Variants in STIMATE observed in about 807,000 individuals in gnomAD.
The protein encoded by STIMATE is store-operated calcium entry regulator STIMATE.
Under a neutral mutation model 36.7 loss-of-function variants are expected in STIMATE, and 15 were observed. That is an observed-to-expected ratio of 0.41 (90% CI 0.27 to 0.63). STIMATE has a LOEUF of 0.63. Ranked by LOEUF, STIMATE falls within the 20% of genes least tolerant of loss-of-function variation. The probability of loss-of-function intolerance (pLI) is 0.32; values close to 1 mark genes in which losing one functional copy is unlikely to be tolerated. For missense variants in STIMATE, 305 were observed against 397.3 expected (o/e 0.77, Z 1.98); for synonymous variants, 163 against 162.3 (o/e 1.00, Z -0.03).
chr3:52,869,706 A>C lies in STIMATE; in HGVS notation c.161-14262T>G, dbSNP rs982885489. Among the ~76,000 whole-genome samples the C allele has an allele frequency of 3.3e-5, 5 of 152,248 alleles. No homozygotes were observed. The East Asian group carries it at 9.6e-4, about 29-fold the overall frequency. On this transcript the variant is annotated intron_variant, in intron 1 of 7. Transcript: ENST00000355083. Reference sequence around the variant, plus strand: ...CCTTGGCACCCAGGCCAGTACCTGGAATGAAGTAGGCACTTAACTACTAAA... The same window carrying C: ...CCTTGGCACCCAGGCCAGTACCTGGCATGAAGTAGGCACTTAACTACTAAA...
At chr3:52,852,020 C>G (rs1258983386) in intron 3 of STIMATE, among the ~76,000 whole-genome samples, 1 of 152,190 alleles carries the variant, frequency 6.6e-6, no homozygotes, top group Admixed American at 6.5e-5. Context: ...AAGATGGGGC[C>G]AGGATGAGGT....
At chr3:52,888,623 A>C (rs1701732193) in intron 1 of STIMATE, among the ~76,000 whole-genome samples, 1 of 152,172 alleles carries the variant, frequency 6.6e-6, no homozygotes, top group South Asian at 2.1e-4. Context: ...CATACTATTA[A>C]ATGAAGATGT....
rs180820943 is a variant in STIMATE, at chr3:52,850,815, G to A, written c.306-902C>T. Among the ~76,000 whole-genome samples, 9 of 152,226 alleles carry A rather than the reference G, an allele frequency of 5.9e-5. No individual in the cohort carries two copies. The East Asian group carries it at 7.7e-4, about 13-fold the overall frequency. The stretch of plus-strand genomic sequence containing the variant: ...GTGCAATCAGCTCACTGCAGCTTCC[G>A]CCTCCTGGGTTCAAGTGATTCTCCT... On this transcript the variant is annotated intron_variant, in intron 3 of 7. Coordinates refer to ENST00000355083, the MANE Select transcript of STIMATE (RefSeq NM_198563.5).
intron 1 of STIMATE, among the ~76,000 whole-genome samples, chr3:52,865,234 G>A (rs934690186): frequency 5.3e-5 from 8 of 152,104 alleles, no homozygotes; most frequent in South Asian, 4.1e-4. Context: ...CGTGAGCCAC[G>A]GTGCCCGACT....
chr3:52,869,853 G>C lies in STIMATE; in HGVS notation c.161-14409C>G, dbSNP rs148812975. Among the ~76,000 whole-genome samples, 151 of 152,340 alleles carry C rather than the reference G, an allele frequency of 9.9e-4. 1 individual carries two copies. The highest frequency in any genetic ancestry group is 3.5e-3 in the African/African-American group (147 of 41,574). On this transcript the variant is annotated intron_variant, in intron 1 of 7. Transcript: ENST00000355083. Reference sequence around the variant, plus strand: ...CTTTAGAGCCGACTGTGGGACCAGGGAGACTTGCTTAACATCTCTGGGCTT... The same window carrying C: ...CTTTAGAGCCGACTGTGGGACCAGGCAGACTTGCTTAACATCTCTGGGCTT...
chr3:52,849,772 C>T lies in STIMATE; in HGVS notation c.427+20G>A, dbSNP rs372641894. The T allele has an allele frequency of 6.6e-5, 106 of 1,607,484 alleles. No homozygotes were observed. The highest frequency in any genetic ancestry group is 3.9e-4 in the African/African-American group (29 of 74,856). ...TCCAGCAGTTCCCTCACGCCCTGTC[C>T]GGCATCCACAGCATATTACCATATT... On this transcript the variant is annotated intron_variant, in intron 4 of 7. Transcript: ENST00000355083.
intron 1 of STIMATE, among the ~76,000 whole-genome samples, chr3:52,894,630 T>C (rs964431545): frequency 1.4e-4 from 21 of 152,140 alleles, no homozygotes; most frequent in African/African-American, 5.1e-4. Context: ...AAAAGGAACA[T>C]AAAGACAGTG....
At chr3:52,857,712 ATAAG>A (rs1017117492) in intron 1 of STIMATE, among the ~76,000 whole-genome samples, 43 of 150,726 alleles carry the variant, frequency 2.9e-4, no homozygotes, top group Admixed American at 1.1e-3. Flanking sequence ...TTTTATAATT[ATAAG>A]TAATACAACA....
intron 1 of STIMATE, among the ~76,000 whole-genome samples, chr3:52,896,841 A>G (rs1443563190): frequency 2.0e-5 from 3 of 152,192 alleles, no homozygotes; most frequent in African/African-American, 7.2e-5. Flanking sequence ...CAGGATTTAA[A>G]TGTGAACGGA....
intron 1 of STIMATE, among the ~76,000 whole-genome samples, chr3:52,869,535 A>C (rs553871706): frequency 6.6e-6 from 1 of 152,346 alleles, no homozygotes; most frequent in South Asian, 2.1e-4. Flanking sequence ...AATTGAACCA[A>C]GTGCCCTCCC....
At chr3:52,892,762 T>C (rs1701802699) in intron 1 of STIMATE, among the ~76,000 whole-genome samples, 1 of 152,222 alleles carries the variant, frequency 6.6e-6, no homozygotes, top group Non-Finnish European at 1.5e-5. Flanking sequence ...TGAGAGGTCT[T>C]CCATCCACCA....
intron 1 of STIMATE, among the ~76,000 whole-genome samples, chr3:52,895,377 C>T (rs894078050): frequency 1.1e-4 from 17 of 152,162 alleles, no homozygotes; most frequent in African/African-American, 4.1e-4. Context: ...ATTTCTGTGT[C>T]AGGGCAGACA....
chr3:52,871,563 T>A (rs750348219), intron 1 of STIMATE, among the ~76,000 whole-genome samples: 14 of 152,082 alleles, frequency 9.2e-5, no homozygotes, highest in Non-Finnish European at 1.6e-4. Flanking sequence ...CAAAAGAGGC[T>A]CAGAGCAGAA....
intron 1 of STIMATE, 23 bp downstream of exon 1, chr3:52,897,268 G>C: frequency 1.3e-6 from 2 of 1,536,174 alleles, no homozygotes; most frequent in Non-Finnish European, 1.7e-6. Context: ...GGCCTCCGGA[G>C]GGTCGGGGGG....
intron 3 of STIMATE, among the ~76,000 whole-genome samples, chr3:52,852,395 A>C (rs2246888): frequency 0.89 from 135,238 of 151,970 alleles, 62,076 homozygotes; most frequent in Non-Finnish European, 1. Context: ...GAAAGTGTCA[A>C]CACGCAAAGC....
intron 1 of STIMATE, among the ~76,000 whole-genome samples, chr3:52,873,525 A>G (rs1463382145): frequency 6.6e-6 from 1 of 152,212 alleles, no homozygotes; most frequent in Non-Finnish European, 1.5e-5. Flanking sequence ...CACCCAGGTT[A>G]AAGAAGTCAT....
intron 1 of STIMATE, among the ~76,000 whole-genome samples, chr3:52,894,842 CTG>C (rs1285453565): frequency 6.6e-6 from 1 of 152,224 alleles, no homozygotes; most frequent in Non-Finnish European, 1.5e-5. Context: ...AGGGAAAAGA[CTG>C]TGATCTCAAA....
intron 1 of STIMATE, among the ~76,000 whole-genome samples, chr3:52,862,060 C>T (rs539100733): frequency 5.9e-5 from 9 of 152,266 alleles, no homozygotes; most frequent in African/African-American, 1.9e-4. Flanking sequence ...TGCAGGCTGG[C>T]CCAGTCTGCT....
At chr3:52,849,653 G>A in intron 4 of STIMATE, 139 bp downstream of exon 4, 1 of 1,412,428 alleles carries the variant, frequency 7.1e-7, no homozygotes, top group Non-Finnish European at 9.3e-7. Context: ...ACCCAGAACA[G>A]CCCCCTCTAC....
Sources: allele counts gnomAD v4.1 joint callset (sites outside exome capture counted in the v4.1 genomes callset), GRCh38; gene constraint gnomAD v4.1.1; transcripts MANE v1.5; gene names NCBI Gene and HGNC (gene_info 2026-07-23, HGNC 2026-07-21).